The following KTN1 variants were observed in gnomAD, a reference collection of about 807,000 sequenced individuals.
KTN1 encodes the protein kinectin.
A neutral mutation model predicts 222.5 loss-of-function variants in KTN1; 130 were observed. That is an observed-to-expected ratio of 0.58 (90% CI 0.51 to 0.68). The LOEUF (loss-of-function observed/expected upper bound fraction) is 0.68. KTN1 is among the 30% of genes least tolerant of loss of function. The probability of loss-of-function intolerance (pLI) is 0.00; values close to 1 mark genes in which losing one functional copy is unlikely to be tolerated. For missense variants in KTN1, 1,508 were observed against 1,500.4 expected (o/e 1.01, Z -0.08); for synonymous variants, 512 against 496.3 (o/e 1.03, Z -0.42).
intron 5 of KTN1, among the ~76,000 whole-genome samples, chr14:55,619,811 CA>C (rs2038893371): frequency 6.6e-6 from 1 of 152,082 alleles, no homozygotes; most frequent in Non-Finnish European, 1.5e-5. Flanking sequence ...GGGACACAGC[CA>C]AACCATAACA....
chr14:55,660,208 C>T (rs374063570), intron 31 of KTN1, among the ~76,000 whole-genome samples: 1 of 151,936 alleles, frequency 6.6e-6, no homozygotes, highest in Non-Finnish European at 1.5e-5. Flanking sequence ...AGTCAGACCT[C>T]GTCTCTACGA....
intron 7 of KTN1, 79 bp downstream of exon 7, chr14:55,630,176 C>A: frequency 7.9e-7 from 1 of 1,264,702 alleles, no homozygotes; most frequent in African/African-American, 1.5e-5. Context: ...CTAGTATGTA[C>A]AAGGCCCTTT....
intron 30 of KTN1, 145 bp from the exon 31 acceptor site, chr14:55,659,521 T>C (rs759058714): frequency 8.0e-6 from 5 of 625,756 alleles, no homozygotes; most frequent in African/African-American, 1.9e-5. Context: ...TTAAAATCAC[T>C]TGATTAAAGT....
rs528434205 is a variant in KTN1, at chr14:55,673,523, T to C, written c.3771+268T>C. On this transcript the variant is annotated intron_variant, in intron 40 of 43. Transcript: ENST00000395314. ...ATTTTCCATGTTTTATAAATCCTAT[T>C]TTCTCAAACAGCAGTCTTTTCTGTG... 3 of 265,194 alleles carry C rather than the reference T, an allele frequency of 1.1e-5. No individual in the cohort carries two copies. In the South Asian group the frequency reaches 4.0e-4, roughly 36 times the overall value. The allele number at this position is 265,194 out of a possible 1,614,324, so 16.4% of individuals were successfully genotyped here. A position where few individuals can be genotyped will look rare whatever the true frequency, so the allele number is the denominator to read the frequency against.
At chr14:55,673,379 A>G (rs1375040115) in intron 40 of KTN1, 124 bp downstream of exon 40, 3 of 567,366 alleles carry the variant, frequency 5.3e-6, no homozygotes, top group East Asian at 2.9e-5. Context: ...TTGTAAGTCT[A>G]AGATAATCTT....
intron 34 of KTN1, among the ~76,000 whole-genome samples, chr14:55,669,554 T>G (rs1004084968): frequency 1.3e-5 from 2 of 151,928 alleles, no homozygotes; most frequent in African/African-American, 4.8e-5. Flanking sequence ...TTTTACTGTT[T>G]CCTCTTGCTG....
At chr14:55,654,900 CT>C (rs2043310086) in intron 28 of KTN1, among the ~76,000 whole-genome samples, 1 of 152,192 alleles carries the variant, frequency 6.6e-6, no homozygotes, top group African/African-American at 2.4e-5. Context: ...AACCAATGAT[CT>C]TACTGTCTTC....
chr14:55,606,685 A>G (rs1360581863), intron 1 of KTN1, among the ~76,000 whole-genome samples: 6 of 152,126 alleles, frequency 3.9e-5, no homozygotes, highest in East Asian at 3.8e-4. Flanking sequence ...AATGTTAACA[A>G]TTCTTATGTT....
At position 55,667,258 on chromosome 14, in the gene KTN1, G is replaced by A; in HGVS notation, c.3195G>A (p.Val1065=). The change falls in exon 34 of 44, where the codon GTG becomes GTA. Residue 1065 remains valine (V), a synonymous_variant. Coordinates refer to ENST00000395314, the MANE Select transcript of KTN1 (RefSeq NM_001079521.2). ...NKTSKERQQQ[V]EAVELEAKEV... ...TGCTTTAGGAAAGGCAGCAACAGGT[G>A]GAAGCTGTTGAGTTGGAGGCTAAAG... 6.2e-7 allele frequency: 1 copy of A among 1,601,022 alleles called. No homozygotes were observed. Among genetic ancestry groups the A allele is most frequent in the Non-Finnish European group, 8.5e-7 (1 of 1,172,904 alleles).
chr14:55,648,917 T>G (rs761988797), intron 21 of KTN1, 47 bp downstream of exon 21: 1 of 1,280,342 alleles, frequency 7.8e-7, no homozygotes, highest in Non-Finnish European at 1.1e-6. Context: ...GTTTTTTGTT[T>G]GTTTGTTTGT....
chr14:55,643,011 G>A (rs140283352), intron 18 of KTN1, among the ~76,000 whole-genome samples: 97 of 151,920 alleles, frequency 6.4e-4, no homozygotes, highest in African/African-American at 2.1e-3. Flanking sequence ...CCAGGTTAAA[G>A]CCATTCTCGT....
chr14:55,638,452 G>A (rs2041394407), intron 12 of KTN1, among the ~76,000 whole-genome samples: 1 of 151,834 alleles, frequency 6.6e-6, no homozygotes, highest in African/African-American at 2.4e-5. Flanking sequence ...AGAGTTATTT[G>A]TAGCAAAAAG....
intron 37 of KTN1, chr14:55,672,117 G>T: frequency 2.4e-6 from 1 of 412,220 alleles, no homozygotes; most frequent in Non-Finnish European, 4.3e-6. Context: ...AATGTAGAAT[G>T]CTAGTTACAG....
At chr14:55,660,888 C>A (rs1023497585) in intron 31 of KTN1, among the ~76,000 whole-genome samples, 1 of 152,150 alleles carries the variant, frequency 6.6e-6, no homozygotes, top group Non-Finnish European at 1.5e-5. Flanking sequence ...AGTTTGCCAG[C>A]CTCTTATATG....
chr14:55,672,845 A>C, intron 38 of KTN1, 84 bp from the exon 39 acceptor site: 1 of 1,157,170 alleles, frequency 8.6e-7, no homozygotes, highest in South Asian at 1.3e-5. Context: ...TTTTATATTC[A>C]TAAGTGTCAT....
chr14:55,639,028 A>C (rs1396446632), intron 12 of KTN1, among the ~76,000 whole-genome samples, 157 bp from the exon 13 acceptor site: 1 of 151,818 alleles, frequency 6.6e-6, no homozygotes, highest in Non-Finnish European at 1.5e-5. Flanking sequence ...TTTCAGAATG[A>C]TAGTTACTCT....
intron 1 of KTN1, among the ~76,000 whole-genome samples, chr14:55,585,273 G>A (rs1421374970): frequency 1.3e-5 from 2 of 152,112 alleles, no homozygotes; most frequent in African/African-American, 4.8e-5. Flanking sequence ...GGAGCCTTTG[G>A]GAGCTGCTTG....
chr14:55,657,804 C>G (rs530359611), intron 29 of KTN1, among the ~76,000 whole-genome samples: 1 of 152,074 alleles, frequency 6.6e-6, no homozygotes, highest in East Asian at 1.9e-4. Flanking sequence ...GTCCCAGATA[C>G]TCGGGAAGCT....
At chr14:55,608,210 CT>C (rs1390291233) in intron 1 of KTN1, among the ~76,000 whole-genome samples, 1 of 152,054 alleles carries the variant, frequency 6.6e-6, no homozygotes, top group Non-Finnish European at 1.5e-5. Flanking sequence ...TTCTCAGTTC[CT>C]TTTTGTCTCC....
Sources: allele counts gnomAD v4.1 joint callset (sites outside exome capture counted in the v4.1 genomes callset), GRCh38; gene constraint gnomAD v4.1.1; transcripts MANE v1.5; gene names NCBI Gene and HGNC (gene_info 2026-07-23, HGNC 2026-07-21).